PRPS2: variants seen among roughly 807,000 people sequenced by gnomAD.
The protein encoded by PRPS2 is phosphoribosyl pyrophosphate synthetase 2.
For missense variants in PRPS2, 104 were observed against 271.5 expected (o/e 0.38, Z 4.34); for synonymous variants, 111 against 115.3 (o/e 0.96, Z 0.24).
chrX:12,798,173 G>T (rs2042553209), intron 1 of PRPS2, among the ~76,000 whole-genome samples: 1 of 112,250 alleles, frequency 8.9e-6, no homozygotes, highest in African/African-American at 3.2e-5. Context: ...CAGATAAAAA[G>T]GTAAGAGAAT....
chrX:12,798,341 G>A (rs2042553911), intron 1 of PRPS2, among the ~76,000 whole-genome samples: 2 of 112,500 alleles, frequency 1.8e-5, no homozygotes, highest in Admixed American at 1.9e-4. Flanking sequence ...GGATGATGGC[G>A]AGATGGGAAG....
chrX:12,810,520 A>AT (rs779486288), intron 4 of PRPS2, among the ~76,000 whole-genome samples: 222 of 111,013 alleles, frequency 2.0e-3, no homozygotes, highest in African/African-American at 6.7e-3. Context: ...AAATAGAACA[A>AT]TTTTTTTTTA....
intron 1 of PRPS2, among the ~76,000 whole-genome samples, chrX:12,794,176 G>T (rs1010442748): frequency 8.9e-6 from 1 of 112,634 alleles, no homozygotes. Context: ...TTTTTGCCGC[G>T]TATGGTCACA....
At chrX:12,796,852 ATTTTTT>A (rs35240522) in intron 1 of PRPS2, among the ~76,000 whole-genome samples, 1 of 34,241 alleles carries the variant, frequency 2.9e-5, no homozygotes, top group Non-Finnish European at 4.8e-5. Context: ...AGTATTTCAG[ATTTTTT>A]TTTTTTTTTT....
In PRPS2 at chrX:12,823,084, C is replaced by A. The variant is rs2042683841; in HGVS notation, c.*288C>A. The A allele has an allele frequency of 4.1e-6, 1 of 241,867 alleles. No homozygotes were observed. The highest frequency in any genetic ancestry group is 1.1e-4 in the South Asian group (1 of 9,095). The allele number at this position is 241,867 out of a possible 1,213,427, so 19.9% of individuals were successfully genotyped here. ...GGTACAGGTGATCTCTTCCTTTGTT[C>A]TTTCAGTACTTTGAGGCGACAACTT... On this transcript the variant is annotated 3_prime_UTR_variant, in exon 7 of 7. Coordinates refer to ENST00000380668, the MANE Select transcript of PRPS2 (RefSeq NM_002765.5).
At chrX:12,800,155 C>T (rs1440715386) in intron 2 of PRPS2, among the ~76,000 whole-genome samples, 1 of 111,603 alleles carries the variant, frequency 9.0e-6, no homozygotes, top group Non-Finnish European at 1.9e-5. Context: ...GAAATTTTTC[C>T]CTCACAGTTT....
chrX:12,822,551 T>C (rs999774854), intron 6 of PRPS2, among the ~76,000 whole-genome samples, 153 bp from the exon 7 acceptor site: 3 of 112,528 alleles, frequency 2.7e-5, no homozygotes, highest in Admixed American at 1.9e-4. Flanking sequence ...CCCAAAGCTG[T>C]CTGTCCTCTC....
intron 4 of PRPS2, among the ~76,000 whole-genome samples, chrX:12,816,018 TTAAG>T (rs113671208): frequency 9.8e-5 from 11 of 111,770 alleles, no homozygotes; most frequent in East Asian, 5.6e-4. Context: ...AATTAAATCT[TTAAG>T]TAAGGAAACT....
At position 12,810,093 on chromosome X, in the gene PRPS2, T is replaced by A. The variant is rs1485973859; in HGVS notation, c.477T>A (p.Ile159=). ...TCCTGCAGTGGATTCGGGAAAACAT[T>A]GCCGAGTGGAAGAACTGTATCATTG... The part of the protein sequence containing the change: ...PAVLQWIREN[I]AEWKNCIIVS... The change falls in exon 4 of 7, where the codon ATT becomes ATA. Residue 159 remains isoleucine (I), a synonymous_variant. Transcript: ENST00000380668. The A allele has an allele frequency of 8.3e-7, 1 of 1,212,031 alleles. No homozygotes were observed. The highest frequency in any genetic ancestry group is 1.1e-6 in the Non-Finnish European group (1 of 895,520).
intron 1 of PRPS2, among the ~76,000 whole-genome samples, chrX:12,794,062 A>T (rs146128943): frequency 2.7e-5 from 3 of 112,620 alleles, no homozygotes; most frequent in Non-Finnish European, 5.6e-5. Context: ...ATACAAGGTT[A>T]TCGGTTACCA....
intron 2 of PRPS2, among the ~76,000 whole-genome samples, chrX:12,802,653 T>C (rs1481471848): frequency 8.9e-6 from 1 of 112,650 alleles, no homozygotes; most frequent in African/African-American, 3.2e-5. Flanking sequence ...TTAACTGTTT[T>C]GTGGAACTGT....
chrX:12,809,482 TTCC>T (rs2042611796), intron 3 of PRPS2, 150 bp downstream of exon 3: 1 of 589,660 alleles, frequency 1.7e-6, no homozygotes, highest in Non-Finnish European at 2.6e-6. Context: ...ATATTAGTAC[TTCC>T]AGTCTCTATC....
chrX:12,820,786 C>T lies in PRPS2; in HGVS notation c.847C>T (p.His283Tyr). 1 of 1,210,932 alleles carries T rather than the reference C, an allele frequency of 8.3e-7. No individual in the cohort carries two copies. Among genetic ancestry groups the T allele is most frequent in the Non-Finnish European group, 1.1e-6 (1 of 895,340 alleles). ...AATTCCGCAAGAGGACAAAATGAAA[C>T]ACTGCACCAAGATTCAGGTACTGTC... ...NTIPQEDKMK[H>Y]CTKIQVIDIS... The change falls in exon 6 of 7, where the codon CAC becomes TAC. Residue 283 changes from histidine to tyrosine, a missense_variant. Physicochemically the swap from His to Tyr is moderately conservative, Grantham distance 83. Transcript: ENST00000380668.
At chrX:12,805,613 TG>T (rs1049983466) in intron 2 of PRPS2, among the ~76,000 whole-genome samples, 1 of 112,315 alleles carries the variant, frequency 8.9e-6, no homozygotes, top group Non-Finnish European at 1.9e-5. Context: ...CACAAAATAT[TG>T]TTCTTCTTTT....
intron 4 of PRPS2, among the ~76,000 whole-genome samples, chrX:12,813,837 C>T (rs746333442): frequency 1.8e-5 from 2 of 111,470 alleles, no homozygotes; most frequent in Non-Finnish European, 3.8e-5. Flanking sequence ...TTTTTCATTT[C>T]TTCTCCTATT....
chrX:12,808,568 A>C (rs932975678), intron 2 of PRPS2, among the ~76,000 whole-genome samples: 6 of 112,468 alleles, frequency 5.3e-5, no homozygotes, highest in Non-Finnish European at 1.1e-4. Flanking sequence ...AGTAAATGAC[A>C]CTAAGTATGA....
chrX:12,805,586 A>G (rs771183432), intron 2 of PRPS2, among the ~76,000 whole-genome samples: 1 of 112,402 alleles, frequency 8.9e-6, no homozygotes, highest in East Asian at 2.8e-4. Flanking sequence ...TATGAACCTC[A>G]TATAATCTTC....
intron 1 of PRPS2, 88 bp from the exon 2 acceptor site, chrX:12,799,119 G>A: frequency 1.1e-6 from 1 of 885,635 alleles, no homozygotes; most frequent in African/African-American, 2.0e-5. Flanking sequence ...AAGTCATCCT[G>A]GTGATCATCA....
chrX:12,820,868 A>G, intron 6 of PRPS2, 65 bp downstream of exon 6: 1 of 1,129,413 alleles, frequency 8.9e-7, no homozygotes. Context: ...TAAAAATAGC[A>G]TCATGTCTTG....
Sources: gnomAD v4.1 joint callset for allele counts (sites outside exome capture counted in the v4.1 genomes callset) on GRCh38, gnomAD v4.1.1 for gene constraint, MANE v1.5 for transcripts, NCBI Gene and HGNC (gene_info 2026-07-23, HGNC 2026-07-21) for gene names.